The following EPM2A variants were observed in gnomAD, a reference collection of about 807,000 sequenced individuals.
EPM2A encodes laforin.
A neutral mutation model predicts 26.5 loss-of-function variants in EPM2A; 21 were observed. The ratio of observed to expected loss-of-function variants is 0.79; its 90% CI spans 0.56 to 1.14. The LOEUF (loss-of-function observed/expected upper bound fraction) is 1.14. EPM2A is among the 50% of genes most tolerant of loss of function. The pLI, the probability that EPM2A is intolerant of heterozygous loss-of-function variation, is 0.00. For missense variants in EPM2A, 458 were observed against 440.8 expected (o/e 1.04, Z -0.35); for synonymous variants, 217 against 177.6 (o/e 1.22, Z -1.76).
At chr6:145,417,196 C>T (rs1196458566) in intron 4 of EPM2A, among the ~76,000 whole-genome samples, 2 of 152,202 alleles carry the variant, frequency 1.3e-5, no homozygotes, top group African/African-American at 4.8e-5. Context: ...TTGGTTTTCT[C>T]CTTAGCTGGC....
At chr6:145,525,223 ATTTAT>A (rs1780254846) in intron 2 of EPM2A, among the ~76,000 whole-genome samples, 1 of 65,312 alleles carries the variant, frequency 1.5e-5, no homozygotes, top group African/African-American at 5.3e-5. Context: ...AATTTTATTT[ATTTAT>A]TTATTTATTT....
chr6:145,524,382 C>T (rs911323222), intron 2 of EPM2A, among the ~76,000 whole-genome samples: 5 of 152,132 alleles, frequency 3.3e-5, no homozygotes, highest in African/African-American at 7.2e-5. Flanking sequence ...AATGGCTGAA[C>T]GAATTTACAT....
At chr6:145,592,861 A>G (rs959673966) in intron 2 of EPM2A, among the ~76,000 whole-genome samples, 1 of 152,204 alleles carries the variant, frequency 6.6e-6, no homozygotes, top group Non-Finnish European at 1.5e-5. Flanking sequence ...TCAAATAAAA[A>G]GAAGGAAAGC....
At chr6:145,543,018 C>A (rs1462467464) in intron 2 of EPM2A, among the ~76,000 whole-genome samples, 2 of 126,850 alleles carry the variant, frequency 1.6e-5, no homozygotes, top group Admixed American at 1.5e-4. Context: ...CTCAGCCTCC[C>A]AAAGTGCTGG....
rs902858938 is a variant in EPM2A at position 145,393,502 on chromosome 6, T to G, written c.556-9405A>C. Among the ~76,000 whole-genome samples, 4 of 151,822 alleles carry G rather than the reference T, an allele frequency of 2.6e-5. No individual in the cohort carries two copies. In the South Asian group the frequency reaches 8.3e-4, roughly 32 times the overall value. ...CCAAAGTAGACTGACGCCAGAACAG[T>G]TTTTTTCCCCATTATAAGAATAGGG... is the stretch of plus-strand genomic sequence containing the variant. On this transcript the variant is annotated intron_variant, in intron 4 of 4. Coordinates refer to the EPM2A transcript ENST00000638717.
chr6:145,624,229 T>A (rs960145546), downstream of EPM2A, among the ~76,000 whole-genome samples: 1 of 152,136 alleles, frequency 6.6e-6, no homozygotes, highest in Non-Finnish European at 1.5e-5. Context: ...CACAGACAAA[T>A]AAGTGGACAC....
chr6:145,526,833 C>T (rs1184266627), intron 2 of EPM2A, among the ~76,000 whole-genome samples: 2 of 151,718 alleles, frequency 1.3e-5, no homozygotes, highest in African/African-American at 2.4e-5. Context: ...CTTTGGAGTT[C>T]GTTCGTTCTT....
intron 4 of EPM2A, among the ~76,000 whole-genome samples, chr6:145,443,123 G>C (rs578198946): frequency 6.6e-6 from 1 of 151,708 alleles, no homozygotes; most frequent in African/African-American, 2.4e-5. Context: ...CACCTGCCTC[G>C]GCCTCCCAAA....
At chr6:145,490,973 ATGT>A in intron 4 of EPM2A, 4 of 869,162 alleles carry the variant, frequency 4.6e-6, no homozygotes, top group Non-Finnish European at 7.4e-6. Context: ...ACTTCCTCTA[ATGT>A]TTTGATGCCT....
At chr6:145,668,464 T>C (rs898786175) in intron 2 of EPM2A, among the ~76,000 whole-genome samples, 28 of 152,246 alleles carry the variant, frequency 1.8e-4, no homozygotes, top group African/African-American at 6.3e-4. Flanking sequence ...ATATGGAATA[T>C]ATAAGCTTTA....
chr6:145,603,997 A>G (rs746945955), intron 2 of EPM2A, among the ~76,000 whole-genome samples: 1 of 152,210 alleles, frequency 6.6e-6, no homozygotes, highest in Non-Finnish European at 1.5e-5. Flanking sequence ...ACAATATCTT[A>G]AACAATTTAA....
intron 2 of EPM2A, among the ~76,000 whole-genome samples, chr6:145,606,789 T>G (rs1775272709): frequency 6.6e-6 from 1 of 152,166 alleles, no homozygotes; most frequent in Non-Finnish European, 1.5e-5. Context: ...ATTTGTTTTG[T>G]TAAATTAAAT....
chr6:145,432,342 T>G (rs541509957), intron 4 of EPM2A, among the ~76,000 whole-genome samples: 1 of 152,310 alleles, frequency 6.6e-6, no homozygotes, highest in South Asian at 2.1e-4. Flanking sequence ...AATGTATTTC[T>G]TAAAGAATAT....
intron 2 of EPM2A, among the ~76,000 whole-genome samples, chr6:145,531,728 G>C (rs1780358350): frequency 6.6e-6 from 1 of 152,178 alleles, no homozygotes; most frequent in Non-Finnish European, 1.5e-5. Flanking sequence ...GGATGATGCA[G>C]CTTCCTCAGG....
At chr6:145,453,184 C>T (rs1326013657) in intron 4 of EPM2A, among the ~76,000 whole-genome samples, 1 of 152,166 alleles carries the variant, frequency 6.6e-6, no homozygotes, top group Non-Finnish European at 1.5e-5. Flanking sequence ...AGTGCTCACA[C>T]ATTATGCCCA....
At chr6:145,563,388 G>T (rs563039171) in intron 2 of EPM2A, among the ~76,000 whole-genome samples, 4 of 152,012 alleles carry the variant, frequency 2.6e-5, no homozygotes, top group African/African-American at 9.6e-5. Context: ...AAAAGCCCAC[G>T]GTGGTGAAAG....
chr6:145,682,634 A>G (rs697054), intron 2 of EPM2A: 96,611 of 151,952 alleles, frequency 0.64, 31,244 homozygotes, highest in East Asian at 0.74. Context: ...TCTCTCCATT[A>G]TTGATGGTCC....
At chr6:145,675,498 A>T (rs185889132) in intron 2 of EPM2A, among the ~76,000 whole-genome samples, 157 of 152,330 alleles carry the variant, frequency 1.0e-3, no homozygotes, top group Non-Finnish European at 2.0e-3. Context: ...GGCAAATTAG[A>T]TAAAGAGTCA....
intron 1 of EPM2A, among the ~76,000 whole-genome samples, chr6:145,692,277 C>G (rs1781326650): frequency 6.6e-6 from 1 of 151,782 alleles, no homozygotes; most frequent in Non-Finnish European, 1.5e-5. Flanking sequence ...AGTTTAAGAC[C>G]TCAACACCTC....
Sources: allele counts gnomAD v4.1 joint callset (sites outside exome capture counted in the v4.1 genomes callset), GRCh38; gene constraint gnomAD v4.1.1; transcripts MANE v1.5; gene names NCBI Gene and HGNC (gene_info 2026-07-23, HGNC 2026-07-21).